Variants in PTPRN2 observed in about 807,000 individuals in gnomAD.
PTPRN2 encodes the protein protein tyrosine phosphatase receptor type N2.
In PTPRN2, 74 loss-of-function variants were observed where a neutral mutation model predicts 118.8. The ratio of observed to expected loss-of-function variants is 0.62; its 90% CI spans 0.52 to 0.76. PTPRN2 has a LOEUF of 0.76. Ranked by LOEUF, PTPRN2 falls within the 30% of genes least tolerant of loss-of-function variation. PTPRN2 has a pLI of 0.00. For synonymous variants in PTPRN2, 641 were observed against 608.0 expected (o/e 1.05, Z -0.80); for missense variants, 1,481 against 1,394.4 (o/e 1.06, Z -0.99).
In PTPRN2 at chr7:158,267,929, TAG is replaced by T. The variant is rs531885245; in HGVS notation, c.277+48888_277+48889del. ...TCCCTGCCACCTCCAGCCCGTAATT[TAG>T]AGAGAAGCTGATGCAGTTGACTCTT... On this transcript the variant is annotated intron_variant, in intron 3 of 22. Coordinates refer to ENST00000389418, the MANE Select transcript of PTPRN2 (RefSeq NM_002847.5). 1.8e-3 allele frequency among the ~76,000 whole-genome samples: 277 copies of T among 152,250 alleles called. 2 individuals carry two copies. The highest frequency in any genetic ancestry group is 6.4e-3 in the African/African-American group (264 of 41,540).
At chr7:158,038,548 A>G (rs1808235098) in intron 11 of PTPRN2, among the ~76,000 whole-genome samples, 2 of 151,954 alleles carry the variant, frequency 1.3e-5, no homozygotes. Flanking sequence ...AAGATAAGCT[A>G]TATCTCTATT....
chr7:158,517,518 G>A lies in PTPRN2; in HGVS notation c.113-27733C>T, dbSNP rs539345138. 1.6e-4 allele frequency among the ~76,000 whole-genome samples: 24 copies of A among 151,228 alleles called. No individual in the cohort carries two copies. Among genetic ancestry groups the A allele is most frequent in the Middle Eastern group, 3.4e-3 (1 of 294 alleles). On this transcript the variant is annotated intron_variant, in intron 1 of 22. Transcript: ENST00000389418. The surrounding 1 kb of genome is among the most constrained non-coding windows in gnomAD (Gnocchi z 5.3). ...CCCACCGCCCCCCAGCCTGAGCCCC[G>A]TTCCACCTCCTCACTGGCCTCGCTG...
chr7:157,699,993 CTA>C (rs1185478609), intron 12 of PTPRN2, among the ~76,000 whole-genome samples: 1 of 152,214 alleles, frequency 6.6e-6, no homozygotes, highest in Non-Finnish European at 1.5e-5. Flanking sequence ...CCACATGTAA[CTA>C]TATGTCTCCC....
At position 157,700,557 on chromosome 7, in the gene PTPRN2, T is replaced by A. The variant is rs544894520; in HGVS notation, c.1789-17620A>T. ...ATCCCTTATCTGACCTTATTCCCCA[T>A]CCCCCTATGCTGATGGCGGCTGGCC... On this transcript the variant is annotated intron_variant, in intron 12 of 22. Coordinates refer to ENST00000389418, the MANE Select transcript of PTPRN2 (RefSeq NM_002847.5). Among the ~76,000 whole-genome samples, 5 of 152,222 alleles carry A rather than the reference T, an allele frequency of 3.3e-5. No homozygotes were observed. In the East Asian group the frequency reaches 9.7e-4, roughly 29 times the overall value.
intron 4 of PTPRN2, among the ~76,000 whole-genome samples, chr7:158,197,433 T>G (rs1826292109): frequency 6.6e-6 from 1 of 152,224 alleles, no homozygotes; most frequent in African/African-American, 2.4e-5. Flanking sequence ...ATGTAGGATG[T>G]TGATTTTCAA....
intron 2 of PTPRN2, among the ~76,000 whole-genome samples, chr7:158,395,903 C>G (rs1292967739): frequency 6.6e-6 from 1 of 152,006 alleles, no homozygotes; most frequent in Non-Finnish European, 1.5e-5. Context: ...AGGGGGAGCT[C>G]GGAGCCTGCA....
At chr7:158,341,588 A>T (rs1586387899) in intron 2 of PTPRN2, among the ~76,000 whole-genome samples, 1 of 80,728 alleles carries the variant, frequency 1.2e-5, no homozygotes, top group Non-Finnish European at 2.5e-5. Flanking sequence ...ATAAGAGGTG[A>T]CACCCGCAGA....
chr7:157,982,721 A>G (rs1803382556), intron 11 of PTPRN2, among the ~76,000 whole-genome samples: 1 of 121,084 alleles, frequency 8.3e-6, no homozygotes, highest in South Asian at 3.1e-4. Context: ...GTTCCCCCCT[A>G]AACCCCGAGT....
At chr7:158,377,710 G>C (rs1320653058) in intron 2 of PTPRN2, among the ~76,000 whole-genome samples, 1 of 152,248 alleles carries the variant, frequency 6.6e-6, no homozygotes, top group African/African-American at 2.4e-5. Flanking sequence ...CACGACAGCT[G>C]AAAAGTGGAA....
chr7:157,702,573 G>C (rs1374251691), intron 12 of PTPRN2, among the ~76,000 whole-genome samples: 1 of 152,188 alleles, frequency 6.6e-6, no homozygotes, highest in African/African-American at 2.4e-5. Context: ...GGCGTGCTGC[G>C]GCGTTGGTGA....
rs1011856933 is a variant in PTPRN2, at chr7:158,120,912, C to T, written c.1557-9997G>A. 9.2e-5 allele frequency among the ~76,000 whole-genome samples: 14 copies of T among 152,310 alleles called. No homozygotes were observed. The South Asian group carries it at 1.0e-3, about 11-fold the overall frequency. On this transcript the variant is annotated intron_variant, in intron 9 of 22. Coordinates refer to ENST00000389418, the MANE Select transcript of PTPRN2 (RefSeq NM_002847.5). ...GGACAGAGCAATGACCCACCACAGC[C>T]GGCTCAGCTCCACCCCGGCTGAGAC...
intron 11 of PTPRN2, among the ~76,000 whole-genome samples, chr7:158,079,761 A>T (rs1002193124): frequency 1.3e-5 from 2 of 152,206 alleles, no homozygotes; most frequent in Admixed American, 1.3e-4. Flanking sequence ...CGAGGCACTG[A>T]AGCCGTTGTT....
intron 12 of PTPRN2, among the ~76,000 whole-genome samples, chr7:157,772,034 GCA>G (rs1326900308): frequency 3.0e-5 from 4 of 133,756 alleles, no homozygotes; most frequent in Non-Finnish European, 6.4e-5. Context: ...ACACACAGAT[GCA>G]CAGACACCCA....
rs761094792 is a variant in PTPRN2 at position 157,585,120 on chromosome 7, C to G, written c.2497-6980G>C. ...GATGAGGTGACGTAGCCCACACACA[C>G]GTCAGCAGTGCTGATGGAAAGGCTG... On this transcript the variant is annotated intron_variant, in intron 17 of 22. Transcript: ENST00000389418. This position sits in a 1 kb window ranked among gnomAD's most constrained non-coding sequence, Gnocchi z 5.2. Among the ~76,000 whole-genome samples the G allele has an allele frequency of 6.6e-6, 1 of 152,160 alleles. No individual in the cohort carries two copies. The highest frequency in any genetic ancestry group is 2.1e-4 in the South Asian group (1 of 4,832).
chr7:157,876,060 C>A lies in PTPRN2; in HGVS notation c.1788+22613G>T, dbSNP rs544053979. The stretch of plus-strand genomic sequence containing the variant: ...GCCTAGAGGTGTTCCTGGCTGTCTC[C>A]ATCTGGGGCAGCACCTGCAGCTCCT... On this transcript the variant is annotated intron_variant, in intron 12 of 22. Transcript: ENST00000389418. Among the ~76,000 whole-genome samples, 6 of 152,340 alleles carry A rather than the reference C, an allele frequency of 3.9e-5. 1 individual carries two copies. The East Asian group carries it at 9.7e-4, about 25-fold the overall frequency.
Position 158,517,249 on chromosome 7 carries a change from G to A in PTPRN2, c.113-27464C>T, listed in dbSNP as rs1005602727. ...GCCCCACAGGCTTCCTCCTCACTTC[G>A]GGGGTGCAAGCCTGCAAGACCAAAC... On this transcript the variant is annotated intron_variant, in intron 1 of 22. Transcript: ENST00000389418. This position sits in a 1 kb window ranked among gnomAD's most constrained non-coding sequence, Gnocchi z 5.3. Among the ~76,000 whole-genome samples the A allele has an allele frequency of 6.6e-6, 1 of 152,174 alleles. No individual in the cohort carries two copies. Among genetic ancestry groups the A allele is most frequent in the Admixed American group, 6.5e-5 (1 of 15,280 alleles).
chr7:158,435,803 G>A (rs545142449), intron 2 of PTPRN2, among the ~76,000 whole-genome samples: 99 of 152,344 alleles, frequency 6.5e-4, no homozygotes, highest in Non-Finnish European at 1.1e-3. Context: ...GACATGAGCT[G>A]AGCGAAGTAA....
chr7:157,679,116 CAT>C lies in PTPRN2; in HGVS notation c.2001+3607_2001+3608del, dbSNP rs1227470197. On this transcript the variant is annotated intron_variant, in intron 13 of 22. Coordinates refer to ENST00000389418, the MANE Select transcript of PTPRN2 (RefSeq NM_002847.5). ...GTGTGTATAAATATATATATACACA[CAT>C]ATATGCATATATGACAGGCTATGCC... Among the ~76,000 whole-genome samples, 3 of 151,168 alleles carry C rather than the reference CAT, an allele frequency of 2.0e-5. No homozygotes were observed. The East Asian group carries it at 5.8e-4, about 29-fold the overall frequency.
intron 2 of PTPRN2, among the ~76,000 whole-genome samples, chr7:158,381,252 T>C (rs1810947581): frequency 6.6e-6 from 1 of 152,186 alleles, no homozygotes; most frequent in Admixed American, 6.5e-5. Flanking sequence ...GCTGCAAATT[T>C]TCTGAACTTT....
Sources: gnomAD v4.1 joint callset for allele counts (sites outside exome capture counted in the v4.1 genomes callset) on GRCh38, gnomAD v4.1.1 for gene constraint, Gnocchi (gnomAD v3.1) non-coding constraint, MANE v1.5 for transcripts, NCBI Gene and HGNC (gene_info 2026-07-23, HGNC 2026-07-21) for gene names.